GABRB1: variants seen among roughly 807,000 people sequenced by gnomAD.
The protein encoded by GABRB1 is gamma-aminobutyric acid type A receptor subunit beta1.
In GABRB1, 17 loss-of-function variants were observed where a neutral mutation model predicts 51.6. That is an observed-to-expected ratio of 0.33 (90% CI 0.23 to 0.49). GABRB1 has a LOEUF of 0.49. GABRB1 is among the 20% of genes least tolerant of loss of function. The pLI, the probability that GABRB1 is intolerant of heterozygous loss-of-function variation, is 0.99. For synonymous variants in GABRB1, 247 were observed against 218.9 expected (o/e 1.13, Z -1.14); for missense variants, 410 against 600.6 (o/e 0.68, Z 3.32).
At chr4:47,037,357 T>C (rs1725625852) in intron 3 of GABRB1, among the ~76,000 whole-genome samples, 1 of 152,194 alleles carries the variant, frequency 6.6e-6, no homozygotes, top group African/African-American at 2.4e-5. Flanking sequence ...TGAGTACCAC[T>C]TAAAAGCAGA....
chr4:47,293,023 T>C (rs565729657), intron 4 of GABRB1, among the ~76,000 whole-genome samples: 1 of 152,250 alleles, frequency 6.6e-6, no homozygotes, highest in Non-Finnish European at 1.5e-5. Context: ...TTTATATCAA[T>C]AACATTTTAT....
At chr4:47,315,840 T>C (rs1170588011) in intron 4 of GABRB1, among the ~76,000 whole-genome samples, 3 of 151,652 alleles carry the variant, frequency 2.0e-5, no homozygotes, top group Admixed American at 6.6e-5. Flanking sequence ...TAAATATTAA[T>C]ATATATGGAC....
chr4:47,081,804 T>C (rs1727858450), intron 3 of GABRB1, among the ~76,000 whole-genome samples: 1 of 152,062 alleles, frequency 6.6e-6, no homozygotes, highest in Admixed American at 6.6e-5. Flanking sequence ...ATATATCTGG[T>C]TAAAATAAGG....
chr4:47,391,898 T>C (rs1213780407), intron 5 of GABRB1, among the ~76,000 whole-genome samples: 1 of 152,080 alleles, frequency 6.6e-6, no homozygotes. Context: ...GAGCTTATAA[T>C]ATAATGAGGA....
intron 4 of GABRB1, among the ~76,000 whole-genome samples, chr4:47,178,982 A>G (rs1278706609): frequency 3.3e-5 from 5 of 151,946 alleles, no homozygotes; most frequent in Middle Eastern, 6.8e-3. Context: ...TTTTTTATAC[A>G]TACTTTAAGT....
At chr4:47,004,860 G>T (rs1236371103) in intron 1 of GABRB1, among the ~76,000 whole-genome samples, 1 of 152,202 alleles carries the variant, frequency 6.6e-6, no homozygotes, top group East Asian at 1.9e-4. Context: ...CAATATGTTT[G>T]CTATTTGAAG....
At chr4:47,181,420 A>G (rs961589366) in intron 4 of GABRB1, among the ~76,000 whole-genome samples, 1 of 151,954 alleles carries the variant, frequency 6.6e-6, no homozygotes, top group South Asian at 2.1e-4. Flanking sequence ...TTACTCTTTA[A>G]TCTGTTTGGA....
rs573847152 is a variant in GABRB1 at position 47,171,818 on chromosome 4, C to A, written c.461+10349C>A. On this transcript the variant is annotated intron_variant, in intron 4 of 8. Transcript: ENST00000295454. ...TACATCATCATTATCAAAATAAAAG[C>A]CTAAGTTTTCCTTATAAACTTTTTG... is the stretch of plus-strand genomic sequence containing the variant. Among the ~76,000 whole-genome samples the A allele has an allele frequency of 3.9e-5, 6 of 152,102 alleles. No individual in the cohort carries two copies. In the East Asian group the frequency reaches 1.2e-3, roughly 29 times the overall value.
chr4:47,425,829 G>A lies in GABRB1; in HGVS notation c.1236G>A (p.Glu412=), dbSNP rs187519096. 2.7e-4 allele frequency: 431 copies of A among 1,614,074 alleles called. 3 individuals are homozygous for A. The East Asian group carries it at 8.3e-3, about 31-fold the overall frequency. Residue 412 remains glutamate (E), a synonymous_variant, in exon 9 of 9, where the codon GAG becomes GAA. Coordinates refer to ENST00000295454, the MANE Select transcript of GABRB1 (RefSeq NM_000812.4). Reference sequence around the variant, plus strand: ...ACCGCAAGCCCCTGAGCAGCCGCGAGGCCTACGGGCGCGCCCTGGACCGGC... The same window carrying A: ...ACCGCAAGCCCCTGAGCAGCCGCGAAGCCTACGGGCGCGCCCTGGACCGGC... ...IQYRKPLSSR[E]AYGRALDRHG... is the part of the protein sequence containing the mutation.
intron 3 of GABRB1, among the ~76,000 whole-genome samples, chr4:47,047,598 AG>A (rs553789631): frequency 1.5e-4 from 23 of 152,138 alleles, no homozygotes; most frequent in Non-Finnish European, 3.4e-4. Context: ...AACATAGAAA[AG>A]TTTCAGAGAT....
intron 4 of GABRB1, among the ~76,000 whole-genome samples, chr4:47,215,192 T>C (rs1720507784): frequency 6.6e-6 from 1 of 152,100 alleles, no homozygotes; most frequent in African/African-American, 2.4e-5. Context: ...ATGGGTGCTA[T>C]TTATTACAAA....
chr4:47,040,868 T>G (rs574623109), intron 3 of GABRB1, among the ~76,000 whole-genome samples: 1 of 152,288 alleles, frequency 6.6e-6, no homozygotes, highest in African/African-American at 2.4e-5. Context: ...TAGGAGGACC[T>G]AGACTCTGAC....
chr4:47,059,408 G>A (rs1347510330), intron 3 of GABRB1, among the ~76,000 whole-genome samples: 1 of 152,084 alleles, frequency 6.6e-6, no homozygotes, highest in Admixed American at 6.6e-5. Context: ...CTGGGCTCAA[G>A]CAGTCCTTCC....
At chr4:47,354,763 CT>C (rs575230133) in intron 5 of GABRB1, among the ~76,000 whole-genome samples, 1 of 150,552 alleles carries the variant, frequency 6.6e-6, no homozygotes. Flanking sequence ...ATTTACCTCA[CT>C]TTTTTTTTAA....
At chr4:47,110,834 G>A (rs1372895382) in intron 3 of GABRB1, among the ~76,000 whole-genome samples, 2 of 152,150 alleles carry the variant, frequency 1.3e-5, no homozygotes, top group Admixed American at 6.5e-5. Context: ...AAATGTGAAA[G>A]TATGTGAGTT....
chr4:47,322,320 G>A (rs1175414220), intron 5 of GABRB1, among the ~76,000 whole-genome samples: 2 of 152,062 alleles, frequency 1.3e-5, no homozygotes, highest in Non-Finnish European at 2.9e-5. Context: ...TTGAAAAGAT[G>A]GTAATTATCA....
intron 1 of GABRB1, among the ~76,000 whole-genome samples, chr4:46,995,543 G>A (rs1723965518): frequency 6.6e-6 from 1 of 151,950 alleles, no homozygotes; most frequent in South Asian, 2.1e-4. Flanking sequence ...TTATATTTTT[G>A]TAGAGATGTG....
chr4:47,044,059 T>A (rs948071394), intron 3 of GABRB1, among the ~76,000 whole-genome samples: 3 of 152,102 alleles, frequency 2.0e-5, no homozygotes, highest in Admixed American at 6.6e-5. Context: ...GTAGAAAAAG[T>A]GGCCAAGGTG....
At chr4:47,193,713 T>C (rs942266108) in intron 4 of GABRB1, among the ~76,000 whole-genome samples, 2 of 152,212 alleles carry the variant, frequency 1.3e-5, no homozygotes, top group Non-Finnish European at 2.9e-5. Flanking sequence ...AAACCTACTT[T>C]ATCAATATAA....
Sources: gnomAD v4.1 joint callset for allele counts (sites outside exome capture counted in the v4.1 genomes callset) on GRCh38, gnomAD v4.1.1 for gene constraint, MANE v1.5 for transcripts, NCBI Gene and HGNC (gene_info 2026-07-23, HGNC 2026-07-21) for gene names.